BZW1: variants seen among roughly 807,000 people sequenced by gnomAD.
BZW1 encodes basic leucine zipper and W2 domains 1.
Under a neutral mutation model 54.1 loss-of-function variants are expected in BZW1, and 3 were observed. The ratio of observed to expected loss-of-function variants is 0.06; its 90% CI spans 0.03 to 0.14. The LOEUF is 0.14. Ranked by LOEUF, BZW1 falls within the 10% of genes least tolerant of loss-of-function variation. The pLI, the probability that BZW1 is intolerant of heterozygous loss-of-function variation, is 1.00. For synonymous variants in BZW1, 152 were observed against 162.7 expected, an observed-to-expected ratio of 0.93 and a Z score of 0.50; for missense variants, 206 against 491.7, an observed-to-expected ratio of 0.42 and a Z score of 5.50.
rs1256279182 is a variant in BZW1 at position 200,817,094 on chromosome 2, T to C, written c.403-12T>C. 1 of 1,612,690 alleles carries C rather than the reference T, an allele frequency of 6.2e-7. No individual in the cohort carries two copies. The highest frequency in any genetic ancestry group is 8.5e-7 in the Non-Finnish European group (1 of 1,179,520). On this transcript the variant is annotated splice_polypyrimidine_tract_variant and intron_variant, in intron 5 of 11. Transcript: ENST00000409600. The stretch of plus-strand genomic sequence containing the variant: ...TTGCTGTTTTAACCCTTAATTGTTT[T>C]ACTTTTTACAGCTGCTGCTGTTCTT...
intron 9 of BZW1, 149 bp from the exon 10 acceptor site, chr2:200,819,833 G>T: frequency 1.3e-6 from 1 of 754,588 alleles, no homozygotes; most frequent in Non-Finnish European, 1.9e-6. Context: ...ACTGTGCCCA[G>T]CCTATTTTTT....
rs749628652 is a variant in BZW1 at position 200,818,208 on chromosome 2, A to G, written c.649-15A>G. On this transcript the variant is annotated splice_polypyrimidine_tract_variant and intron_variant, in intron 7 of 11. Coordinates refer to ENST00000409600, the MANE Select transcript of BZW1 (RefSeq NM_001207067.2). The stretch of plus-strand genomic sequence containing the variant: ...TGATTTAAAGAAAGTTTAACCAGAT[A>G]AATTCTTCTTTTAGGAACTCTTTCC... 3.2e-5 allele frequency: 50 copies of G among 1,549,866 alleles called. No homozygotes were observed. Among genetic ancestry groups the G allele is most frequent in the Non-Finnish European group, 3.9e-5 (45 of 1,149,190 alleles).
At chr2:200,818,711 TAATC>T in intron 8 of BZW1, 40 bp from the exon 9 acceptor site, 1 of 1,558,842 alleles carries the variant, frequency 6.4e-7, no homozygotes, top group Non-Finnish European at 8.6e-7. Context: ...AGTATGTACA[TAATC>T]AAAACTGACT....
At chr2:200,818,695 G>A (rs2038384784) in intron 8 of BZW1, 60 bp from the exon 9 acceptor site, 1 of 1,522,826 alleles carries the variant, frequency 6.6e-7, no homozygotes, top group African/African-American at 1.4e-5. Flanking sequence ...TAAACTTGAT[G>A]TGTGAAGTAT....
chr2:200,812,650 G>T lies in BZW1; in HGVS notation c.-10-558G>T, dbSNP rs564144068. On this transcript the variant is annotated intron_variant, in intron 1 of 11. Transcript: ENST00000409600. The stretch of plus-strand genomic sequence containing the variant: ...GGAGGAGGCTAGGACTGTGGGATAT[G>T]GGCGAAGGAGGCTGGGCTGGCTGTT... The T allele has an allele frequency of 1.1e-5, 13 of 1,207,272 alleles. No homozygotes were observed. The Admixed American group carries it at 1.7e-4, about 16-fold the overall frequency. The allele number at this position is 1,207,272 out of a possible 1,614,324, so 74.8% of individuals were successfully genotyped here.
chr2:200,813,181 A>G (rs1417967934), intron 1 of BZW1, 27 bp from the exon 2 acceptor site: 4 of 1,590,492 alleles, frequency 2.5e-6, no homozygotes, highest in Non-Finnish European at 3.4e-6. Context: ...TGGCACTGAT[A>G]TTAAGGCTTT....
chr2:200,815,845 G>C, intron 4 of BZW1, 84 bp downstream of exon 4: 1 of 1,284,524 alleles, frequency 7.8e-7, no homozygotes, highest in Non-Finnish European at 1.0e-6. Context: ...TAAGAGTTGT[G>C]GTTAGAAAGT....
Position 200,827,086 on chromosome 2 carries a change from T to C in BZW1, c.*4908T>C, listed in dbSNP as rs2038721727. ...TCTCTGGCATTTGAAGAACAAAATA[T>C]TTTCTCTGTAAATACACCTCATTTC... On this transcript the variant is annotated 3_prime_UTR_variant, in exon 12 of 12. Coordinates refer to ENST00000409600, the MANE Select transcript of BZW1 (RefSeq NM_001207067.2). 1 of 152,206 alleles carries C rather than the reference T, an allele frequency of 6.6e-6. No individual in the cohort carries two copies. The highest frequency in any genetic ancestry group is 6.5e-5 in the Admixed American group (1 of 15,282). The allele number at this position is 152,206 out of a possible 1,614,324, so 9.4% of individuals were successfully genotyped here. A position where few individuals can be genotyped will look rare whatever the true frequency, so the allele number is the denominator to read the frequency against.
rs1223772205 is a variant in BZW1 at position 200,815,439 on chromosome 2, G to A, written c.163G>A (p.Asp55Asn). ...TDLEAVAKFLDASGAKLDYRR... is the reference protein window; with the variant it reads ...TDLEAVAKFLNASGAKLDYRR... ...TTTGGAAGCAGTAGCTAAGTTTCTT[G>A]ATGCTTCTGGAGCAAAACTTGATTA... The change falls in exon 3 of 12, where the codon GAT (aspartate) becomes AAT (asparagine). Residue 55 changes from aspartate (D) to asparagine (N), a missense_variant. Physicochemically the swap from Asp to Asn is conservative, Grantham distance 23. Coordinates refer to ENST00000409600, the MANE Select transcript of BZW1 (RefSeq NM_001207067.2). 6.2e-7 allele frequency: 1 copy of A among 1,613,826 alleles called. No individual in the cohort carries two copies. The highest frequency in any genetic ancestry group is 8.5e-7 in the Non-Finnish European group (1 of 1,179,882).
intron 10 of BZW1, among the ~76,000 whole-genome samples, chr2:200,820,814 T>C (rs1428936081): frequency 1.3e-5 from 2 of 152,220 alleles, no homozygotes; most frequent in Non-Finnish European, 1.5e-5. Context: ...GTGTTGACTT[T>C]CCGTAGTCCT....
intron 9 of BZW1, among the ~76,000 whole-genome samples, chr2:200,819,675 C>T (rs2038435735): frequency 6.6e-6 from 1 of 151,562 alleles, no homozygotes; most frequent in Admixed American, 6.6e-5. Context: ...GTTCTGCCTC[C>T]TCGGCCTCCC....
chr2:200,822,015 G>C, intron 11 of BZW1, 132 bp from the exon 12 acceptor site: 1 of 794,824 alleles, frequency 1.3e-6, no homozygotes, highest in Non-Finnish European at 2.1e-6. Flanking sequence ...GTTGCAGTGA[G>C]CCAAGAGGGT....
chr2:200,812,420 C>T (rs986289477), intron 1 of BZW1: 11 of 1,281,908 alleles, frequency 8.6e-6, no homozygotes, highest in Non-Finnish European at 4.9e-6. Flanking sequence ...GTACGGGGCG[C>T]CTGGGGCCCC....
At chr2:200,819,056 G>A in intron 9 of BZW1, 155 bp downstream of exon 9, 4 of 891,888 alleles carry the variant, frequency 4.5e-6, no homozygotes, top group Non-Finnish European at 4.9e-6. Context: ...AGCTATTGAT[G>A]ATAATGCTCT....
intron 10 of BZW1, 66 bp from the exon 11 acceptor site, chr2:200,821,117 G>A: frequency 1.3e-6 from 2 of 1,555,080 alleles, no homozygotes; most frequent in South Asian, 2.4e-5. Context: ...TTGCACATTA[G>A]GTGGTGGTTC....
In BZW1 at chr2:200,824,746, A is replaced by T. The variant is rs2038647147; in HGVS notation, c.*2568A>T. On this transcript the variant is annotated 3_prime_UTR_variant, in exon 12 of 12. Coordinates refer to ENST00000409600, the MANE Select transcript of BZW1 (RefSeq NM_001207067.2). ...GAGTGCAGTGGCGCGATCTTGGCTC[A>T]CTGCAAGTTCCGCCTCCCGGGTTCA... 1 of 140,572 alleles carries T rather than the reference A, an allele frequency of 7.1e-6. No homozygotes were observed. Among genetic ancestry groups the T allele is most frequent in the Non-Finnish European group, 1.5e-5 (1 of 66,820 alleles). 8.7% of individuals were successfully genotyped at this position (140,572 alleles called of 1,614,324 possible). A position where few individuals can be genotyped will look rare whatever the true frequency, so the allele number is the denominator to read the frequency against.
chr2:200,812,179 G>A (rs2038090024), intron 1 of BZW1, 189 bp downstream of exon 1: 6 of 1,197,758 alleles, frequency 5.0e-6, no homozygotes, highest in Middle Eastern at 3.2e-4. Context: ...AGGGGTAGCG[G>A]CGGCCCGGGT....
In BZW1 at chr2:200,825,525, A is replaced by G. The variant is rs1247360431; in HGVS notation, c.*3347A>G. 1 of 152,246 alleles carries G rather than the reference A, an allele frequency of 6.6e-6. No homozygotes were observed. Among genetic ancestry groups the G allele is most frequent in the Non-Finnish European group, 1.5e-5 (1 of 68,048 alleles). The allele number at this position is 152,246 out of a possible 1,614,324, so 9.4% of individuals were successfully genotyped here. A position where few individuals can be genotyped will look rare whatever the true frequency, so the allele number is the denominator to read the frequency against. ...TTTTCTGTCAGGGTCAATAGAAAGTAGACGAAATTCATTTTCAGCCAATCT... is the reference window on the plus strand; with the variant it reads ...TTTTCTGTCAGGGTCAATAGAAAGTGGACGAAATTCATTTTCAGCCAATCT... On this transcript the variant is annotated 3_prime_UTR_variant, in exon 12 of 12. Transcript: ENST00000409600.
rs1357621972 is a variant in BZW1, at chr2:200,824,814, G to C, written c.*2636G>C. 6.6e-6 allele frequency: 1 copy of C among 151,850 alleles called. No homozygotes were observed. Among genetic ancestry groups the C allele is most frequent in the Non-Finnish European group, 1.5e-5 (1 of 67,980 alleles). 9.4% of individuals were successfully genotyped at this position (151,850 alleles called of 1,614,324 possible). Reference sequence around the variant, plus strand: ...AGCCTCCCGAGTAGCTGGGACTACAGGCGCCCGCCACCATGCCCGACTAAT... The same window carrying C: ...AGCCTCCCGAGTAGCTGGGACTACACGCGCCCGCCACCATGCCCGACTAAT... On this transcript the variant is annotated 3_prime_UTR_variant, in exon 12 of 12. Transcript: ENST00000409600.
Sources: gnomAD v4.1 joint callset for allele counts (sites outside exome capture counted in the v4.1 genomes callset) on GRCh38, gnomAD v4.1.1 for gene constraint, MANE v1.5 for transcripts, NCBI Gene and HGNC (gene_info 2026-07-23, HGNC 2026-07-21) for gene names.